Variants in NEBL observed in about 807,000 individuals in gnomAD.
The protein encoded by NEBL is LIM and SH3 protein 2.
A neutral mutation model predicts 140.2 loss-of-function variants in NEBL; 122 were observed. That is an observed-to-expected ratio of 0.87 (90% CI 0.75 to 1.01). NEBL has a LOEUF of 1.01. Ranked by LOEUF, NEBL falls within the 50% of genes least tolerant of loss-of-function variation. NEBL has a pLI of 0.00. For synonymous variants in NEBL, 436 were observed against 398.9 expected (o/e 1.09, Z -1.11); for missense variants, 1,365 against 1,231.3 (o/e 1.11, Z -1.62).
intron 3 of NEBL, among the ~76,000 whole-genome samples, chr10:21,243,586 C>T (rs150265130): frequency 6.6e-6 from 1 of 152,178 alleles, no homozygotes; most frequent in Admixed American, 6.5e-5. Context: ...TTATCATTAA[C>T]TAATTATGTG....
chr10:20,904,945 T>C (rs1477676277), intron 4 of NEBL, among the ~76,000 whole-genome samples: 2 of 152,242 alleles, frequency 1.3e-5, no homozygotes, highest in African/African-American at 2.4e-5. Context: ...GTCCTGTTTA[T>C]GTGATTTATG....
chr10:20,856,036 T>C (rs1843043401), intron 9 of NEBL, among the ~76,000 whole-genome samples: 1 of 152,206 alleles, frequency 6.6e-6, no homozygotes, highest in Non-Finnish European at 1.5e-5. Context: ...GTTGAGCAAA[T>C]GTATACAGCT....
chr10:20,924,276 G>A (rs1311904116), intron 4 of NEBL, among the ~76,000 whole-genome samples: 1 of 151,924 alleles, frequency 6.6e-6, no homozygotes, highest in East Asian at 1.9e-4. Context: ...CCAGGATTGA[G>A]AAGCCCTGTG....
At chr10:20,889,631 A>G (rs1329482568) in intron 3 of NEBL, among the ~76,000 whole-genome samples, 1 of 152,180 alleles carries the variant, frequency 6.6e-6, no homozygotes, top group East Asian at 1.9e-4. Flanking sequence ...AAATATAGAC[A>G]TATATAATAA....
intron 3 of NEBL, among the ~76,000 whole-genome samples, chr10:21,189,598 G>C (rs2132215373): frequency 6.6e-6 from 1 of 152,224 alleles, no homozygotes; most frequent in South Asian, 2.1e-4. Context: ...CCGAGTAGCT[G>C]GGACTACAGG....
chr10:21,270,922 G>A (rs1003543213), intron 1 of NEBL, among the ~76,000 whole-genome samples: 2 of 152,182 alleles, frequency 1.3e-5, no homozygotes, highest in South Asian at 2.1e-4. Flanking sequence ...CTCTGTTGGT[G>A]AGACTGTAAA....
chr10:20,901,018 A>T (rs563313245), upstream of NEBL, among the ~76,000 whole-genome samples: 1 of 151,852 alleles, frequency 6.6e-6, no homozygotes, highest in East Asian at 1.9e-4. Context: ...ACTCCCTCTT[A>T]AAAAAAATAA....
chr10:21,088,522 C>CTTCTT (rs1836757001), intron 2 of NEBL, among the ~76,000 whole-genome samples: 2 of 152,174 alleles, frequency 1.3e-5, no homozygotes. Flanking sequence ...AGAAGTGACA[C>CTTCTT]ACATCACTCT....
At position 20,918,712 on chromosome 10, in the gene NEBL, G is replaced by A. The variant is rs555972470; in HGVS notation, c.357+42960C>T. On this transcript the variant is annotated intron_variant, in intron 4 of 6. Coordinates refer to the NEBL transcript ENST00000417816. ...AAATAAAAAAAAAAACTATACAGGC[G>A]TGGTGGCGGGCGCCTATAGTCCCAG... is the stretch of plus-strand genomic sequence containing the variant. Among the ~76,000 whole-genome samples, 11 of 151,480 alleles carry A rather than the reference G, an allele frequency of 7.3e-5. No individual in the cohort carries two copies. In the South Asian group the frequency reaches 1.9e-3, roughly 26 times the overall value.
rs541066960 is a variant in NEBL at position 21,039,156 on chromosome 10, T to C, written c.165-18955A>G. Among the ~76,000 whole-genome samples the C allele has an allele frequency of 1.0e-4, 15 of 148,882 alleles. 1 individual carries two copies. In the East Asian group the frequency reaches 2.9e-3, roughly 29 times the overall value. Reference sequence around the variant, plus strand: ...TGTCCAATGGGTTACTTGCATAAATTTTCTCCCATTCTGTAGGTTGCCTGT... The same window carrying C: ...TGTCCAATGGGTTACTTGCATAAATCTTCTCCCATTCTGTAGGTTGCCTGT... On this transcript the variant is annotated intron_variant, in intron 2 of 6. Coordinates refer to the NEBL transcript ENST00000417816.
intron 3 of NEBL, among the ~76,000 whole-genome samples, chr10:20,965,224 G>A (rs1374193556): frequency 1.3e-5 from 2 of 152,182 alleles, no homozygotes; most frequent in Non-Finnish European, 2.9e-5. Flanking sequence ...TGGGGCTTAT[G>A]TTAATTACAA....
Position 21,226,533 on chromosome 10 carries a change from C to A in NEBL, n.348+21388G>T, listed in dbSNP as rs186557989. On this transcript the variant is annotated intron_variant and non_coding_transcript_variant, in intron 3 of 8. Coordinates refer to the NEBL transcript ENST00000675702. ...AGCACTTTAGCCCATGGTAGTGAGGCTTGCCAGAACTCAAGTTCCAAATGC... is the reference window on the plus strand; with the variant it reads ...AGCACTTTAGCCCATGGTAGTGAGGATTGCCAGAACTCAAGTTCCAAATGC... Among the ~76,000 whole-genome samples the A allele has an allele frequency of 1.0e-3, 153 of 152,304 alleles. 1 individual carries two copies. The highest frequency in any genetic ancestry group is 4.1e-3 in the Admixed American group (63 of 15,300).
intron 2 of NEBL, chr10:21,030,025 TA>T: frequency 2.1e-6 from 1 of 481,484 alleles, no homozygotes; most frequent in Non-Finnish European, 4.0e-6. Context: ...TAAAGCCTCA[TA>T]ATACTCCTAA....
chr10:20,924,413 TAAAAAAAAAAA>T lies in NEBL; in HGVS notation c.357+37248_357+37258del, dbSNP rs71390800. Among the ~76,000 whole-genome samples, 529 of 59,096 alleles carry T rather than the reference TAAAAAAAAAAA, an allele frequency of 9.0e-3. 6 individuals carry two copies. Among genetic ancestry groups the T allele is most frequent in the African/African-American group, 0.032 (491 of 15,126 alleles). The allele number at this position is 59,096 out of a possible 152,430, so 38.8% of individuals were successfully genotyped here. ...CTATAGCTCTCGATCAGGCATGAAG[TAAAAAAAAAAA>T]AAAAAAAAAAAAAAGGCTACACCTT... On this transcript the variant is annotated intron_variant, in intron 4 of 6. Transcript: ENST00000417816.
intron 13 of NEBL, among the ~76,000 whole-genome samples, chr10:20,839,699 G>A (rs1052162548): frequency 3.9e-5 from 6 of 152,268 alleles, no homozygotes; most frequent in African/African-American, 1.4e-4. Flanking sequence ...GTGACCATGA[G>A]AGGATAATCA....
rs749225482 is a variant in NEBL, at chr10:20,831,506, C to G, written c.1527G>C (p.Gln509His). The G allele has an allele frequency of 1.2e-6, 2 of 1,612,134 alleles. No homozygotes were observed. The highest frequency in any genetic ancestry group is 1.7e-6 in the Non-Finnish European group (2 of 1,179,262). Residue 509 changes from glutamine to histidine, a missense_variant, in exon 15 of 28, where the codon CAG becomes CAC. Physicochemically the swap from Gln to His is conservative, Grantham distance 24. Coordinates refer to ENST00000377122, the MANE Select transcript of NEBL (RefSeq NM_006393.3). The stretch of plus-strand genomic sequence containing the variant: ...CCATCTCGGATGCTTTCTTAGCTCT[C>G]TGGACATCAAGAGTGTCTGTGCTCA... ...MQVSTDTLDV[Q>H]RAKKASEMAS...
chr10:20,819,174 C>G, intron 20 of NEBL: 1 of 852,978 alleles, frequency 1.2e-6, no homozygotes, highest in Non-Finnish European at 1.7e-6. Context: ...CGGCATTAAG[C>G]CCAGTACTCA....
intron 1 of NEBL, among the ~76,000 whole-genome samples, chr10:21,284,381 T>C (rs1184047959): frequency 6.6e-6 from 1 of 152,114 alleles, no homozygotes; most frequent in Non-Finnish European, 1.5e-5. Flanking sequence ...ACTTGGCTCT[T>C]CCTGCAGCCC....
intron 9 of NEBL, among the ~76,000 whole-genome samples, chr10:20,854,548 T>C (rs1842858626): frequency 6.7e-6 from 1 of 150,112 alleles, no homozygotes; most frequent in African/African-American, 2.5e-5. Flanking sequence ...GACATGAAAA[T>C]GTTCATATAG....
Sources: gnomAD v4.1 joint callset for allele counts (sites outside exome capture counted in the v4.1 genomes callset) on GRCh38, gnomAD v4.1.1 for gene constraint, MANE v1.5 for transcripts, NCBI Gene and HGNC (gene_info 2026-07-23, HGNC 2026-07-21) for gene names.